The following MROH1 variants were observed in gnomAD, a reference collection of about 807,000 sequenced individuals.
The protein encoded by MROH1 is maestro heat like repeat family member 1.
Under a neutral mutation model 116.5 loss-of-function variants are expected in MROH1, and 117 were observed. That is an observed-to-expected ratio of 1.00 (90% CI 0.86 to 1.17). The LOEUF (loss-of-function observed/expected upper bound fraction) is 1.17, where lower values mean the gene tolerates loss of function less well. MROH1 is among the 50% of genes most tolerant of loss of function. The pLI is 0.00. For synonymous variants in MROH1, 921 were observed against 583.9 expected, an observed-to-expected ratio of 1.58 and a Z score of -8.32; for missense variants, 1,873 against 1,338.5, an observed-to-expected ratio of 1.40 and a Z score of -6.23.
In MROH1 at chr8:144,168,292, C is replaced by A. The variant is rs746595350; in HGVS notation, c.23-3C>A. The A allele has an allele frequency of 1.3e-6, 2 of 1,595,654 alleles. No homozygotes were observed. The highest frequency in any genetic ancestry group is 2.7e-5 in the African/African-American group (2 of 74,748). On this transcript the variant is annotated splice_polypyrimidine_tract_variant and splice_region_variant and intron_variant, in intron 3 of 43. Coordinates refer to ENST00000326134, the MANE Select transcript of MROH1 (RefSeq NM_032450.3). ...GCATGCTAACCAGGCTTTGTCGCTG[C>A]AGAGCTGGCCTCCACCCTGCTGGAC...
chr8:144,176,054 A>C (rs1823826184), intron 4 of MROH1, among the ~76,000 whole-genome samples: 1 of 151,660 alleles, frequency 6.6e-6, no homozygotes, highest in Non-Finnish European at 1.5e-5. Flanking sequence ...GTCTCAAAAA[A>C]ATAAATAAAT....
intron 2 of MROH1, among the ~76,000 whole-genome samples, chr8:144,161,664 C>T (rs533593775): frequency 3.3e-5 from 5 of 152,310 alleles, no homozygotes; most frequent in East Asian, 3.9e-4. Flanking sequence ...CTGTGATTCT[C>T]GCCTGGGCCG....
intron 4 of MROH1, chr8:144,175,713 CA>C: frequency 3.0e-6 from 1 of 337,142 alleles, no homozygotes; most frequent in Non-Finnish European, 4.2e-6. Context: ...CGCTTGAGGC[CA>C]GGGGTTTGAG....
intron 3 of MROH1, among the ~76,000 whole-genome samples, chr8:144,167,430 G>T (rs1821170142): frequency 1.6e-5 from 2 of 126,034 alleles, no homozygotes; most frequent in South Asian, 2.5e-4. Context: ...GTGGCCGGTT[G>T]TTGGGTGGAG....
chr8:144,222,792 G>A (rs1837052566), intron 13 of MROH1, among the ~76,000 whole-genome samples: 1 of 151,862 alleles, frequency 6.6e-6, no homozygotes, highest in African/African-American at 2.4e-5. Context: ...GCACAGGTAT[G>A]TGGGTACAGG....
In MROH1 at chr8:144,232,650, C is replaced by T. The variant is rs983897263; in HGVS notation, c.1339-6106C>T. Among the ~76,000 whole-genome samples the T allele has an allele frequency of 9.6e-4, 145 of 151,832 alleles. 5 individuals carry two copies. Among genetic ancestry groups the T allele is most frequent in the Admixed American group, 8.9e-3 (135 of 15,248 alleles). On this transcript the variant is annotated intron_variant, in intron 14 of 43. Coordinates refer to ENST00000326134, the MANE Select transcript of MROH1 (RefSeq NM_032450.3). ...CTGGGACTACATGCGCACACCGCCA[C>T]GCTTGGCTAATTTTTTGTATTTTCA...
Position 144,241,108 on chromosome 8 carries a change from C to A in MROH1, c.2052C>A (p.Arg684=). 1.3e-6 allele frequency: 1 copy of A among 760,706 alleles called. No homozygotes were observed. Among genetic ancestry groups the A allele is most frequent in the Admixed American group, 1.8e-5 (1 of 55,924 alleles). 47.1% of individuals were successfully genotyped at this position (760,706 alleles called of 1,614,324 possible). A position where few individuals can be genotyped will look rare whatever the true frequency, so the allele number is the denominator to read the frequency against. ...ETARYQEEAE[R]EGLACCFGIC... ...CCAGATACCAGGAGGAGGCAGAACG[C>A]GAGGTGGGGCCGCTTTCCCTGCAGA... is the stretch of plus-strand genomic sequence containing the variant. Residue 684 remains arginine, a synonymous_variant, in exon 21 of 44, where the codon CGC becomes CGA. Coordinates refer to ENST00000326134, the MANE Select transcript of MROH1 (RefSeq NM_032450.3).
At position 144,239,467 on chromosome 8, in the gene MROH1, G is replaced by A. The variant is rs1405099413; in HGVS notation, c.1632+104G>A. The A allele has an allele frequency of 5.2e-6, 4 of 773,296 alleles. No homozygotes were observed. The African/African-American group carries it at 6.8e-5, about 13-fold the overall frequency. The allele number at this position is 773,296 out of a possible 1,614,324, so 47.9% of individuals were successfully genotyped here. ...CTTCTCAGTGGGCAGCCGCGGTCAG[G>A]GCTCAGGTGTGGTTTTCCTCTACGT... is the stretch of plus-strand genomic sequence containing the variant. On this transcript the variant is annotated intron_variant, in intron 17 of 43. Transcript: ENST00000326134.
rs1225586546 is a variant in MROH1 at position 144,190,937 on chromosome 8, T to C, written c.714+2T>C. On this transcript the variant is annotated splice_donor_variant, in intron 8 of 43. Transcript: ENST00000326134. LOFTEE classifies it high-confidence loss of function. ...TGGCTGCAGAGTCGAGAAGCCAAGG[T>C]ATGCCCCGTGGCTGCATCAGTCCAC... 6.2e-7 allele frequency: 1 copy of C among 1,612,630 alleles called. No homozygotes were observed. Among genetic ancestry groups the C allele is most frequent in the Admixed American group, 1.7e-5 (1 of 59,976 alleles).
intron 33 of MROH1, among the ~76,000 whole-genome samples, chr8:144,252,979 CATATAT>C (rs138657169): frequency 0.046 from 6,625 of 142,696 alleles, 198 homozygotes; most frequent in African/African-American, 0.081. Flanking sequence ...AAATTTATTT[CATATAT>C]ATATATATAT....
rs1041738912 is a variant in MROH1 at position 144,259,770 on chromosome 8, G to T, written c.4045-141G>T. 1.3e-4 allele frequency: 88 copies of T among 687,354 alleles called. 1 individual carries two copies. Among genetic ancestry groups the T allele is most frequent in the South Asian group, 1.2e-3 (80 of 65,036 alleles). The allele number at this position is 687,354 out of a possible 1,614,324, so 42.6% of individuals were successfully genotyped here. A position where few individuals can be genotyped will look rare whatever the true frequency, so the allele number is the denominator to read the frequency against. On this transcript the variant is annotated intron_variant, in intron 37 of 43. Transcript: ENST00000326134. ...GGCACAACAGGGAGGGGTCGCCACTGATCGGAGACCCAGGGAGTAGGTGCT... is the reference window on the plus strand; with the variant it reads ...GGCACAACAGGGAGGGGTCGCCACTTATCGGAGACCCAGGGAGTAGGTGCT...
chr8:144,155,928 C>A (rs1033735473), intron 1 of MROH1, among the ~76,000 whole-genome samples: 6 of 151,560 alleles, frequency 4.0e-5, no homozygotes, highest in African/African-American at 1.4e-4. Context: ...CCACTGCACC[C>A]GGCCAGTTTT....
rs1825913219 is a variant in MROH1 at position 144,182,308 on chromosome 8, C to T, written c.562+1785C>T. 1.3e-5 allele frequency among the ~76,000 whole-genome samples: 2 copies of T among 152,326 alleles called. No individual in the cohort carries two copies. The highest frequency in any genetic ancestry group is 2.1e-4 in the South Asian group (1 of 4,832). On this transcript the variant is annotated intron_variant, in intron 7 of 43. Coordinates refer to ENST00000326134, the MANE Select transcript of MROH1 (RefSeq NM_032450.3). The surrounding 1 kb of genome is among the most constrained non-coding windows in gnomAD (Gnocchi z 4.1). Reference sequence around the variant, plus strand: ...GGGAAGACTCCCAGTGGTGGAGGCACGGCTGGCCTGGCCACGCCGTCCAGC... The same window carrying T: ...GGGAAGACTCCCAGTGGTGGAGGCATGGCTGGCCTGGCCACGCCGTCCAGC...
In MROH1 at chr8:144,249,931, T is replaced by TCCG. The variant is rs1842571444; in HGVS notation, c.3274-280_3274-278dup. ...TGGCTCTGTTGGATGCCTGCCCAGC[T>TCCG]CCGAACCAGCCTCTGGGCCACATGT... On this transcript the variant is annotated intron_variant, in intron 32 of 43. Transcript: ENST00000326134. Among the ~76,000 whole-genome samples the TCCG allele has an allele frequency of 3.9e-5, 6 of 152,324 alleles. No homozygotes were observed. In the South Asian group the frequency reaches 1.2e-3, roughly 32 times the overall value.
At chr8:144,235,369 G>T (rs1333493314) in intron 14 of MROH1, among the ~76,000 whole-genome samples, 4 of 152,046 alleles carry the variant, frequency 2.6e-5, no homozygotes, top group African/African-American at 9.6e-5. Flanking sequence ...TTGCTTAGCT[G>T]TCCCAGCTAG....
chr8:144,239,005 G>A (rs900845916), intron 15 of MROH1, 30 bp from the exon 16 acceptor site: 12 of 775,862 alleles, frequency 1.5e-5, no homozygotes, highest in African/African-American at 8.5e-5. Flanking sequence ...CCCTCTGGGC[G>A]GATGCAGACC....
intron 14 of MROH1, among the ~76,000 whole-genome samples, chr8:144,223,546 C>T (rs1837243107): frequency 6.6e-6 from 1 of 152,198 alleles, no homozygotes; most frequent in Admixed American, 6.5e-5. Flanking sequence ...GTTTCTCAGT[C>T]AGAGCCTCTG....
chr8:144,168,215 C>T (rs1821430395), intron 3 of MROH1, 80 bp from the exon 4 acceptor site: 1 of 1,442,802 alleles, frequency 6.9e-7, no homozygotes, highest in Non-Finnish European at 9.2e-7. Flanking sequence ...GCAGGTGTGT[C>T]CACTGCAGGA....
At chr8:144,254,338 C>T (rs1035190058) in intron 33 of MROH1, 1,600 of 155,460 alleles carry the variant, frequency 0.01, 30 homozygotes, top group African/African-American at 0.036. Flanking sequence ...TTTCAGTTCC[C>T]GTCATATTCA....
Sources: gnomAD v4.1 joint callset for allele counts (sites outside exome capture counted in the v4.1 genomes callset) on GRCh38, gnomAD v4.1.1 for gene constraint, Gnocchi (gnomAD v3.1) non-coding constraint, MANE v1.5 for transcripts, NCBI Gene and HGNC (gene_info 2026-07-23, HGNC 2026-07-21) for gene names.